The following TMEM131 variants were observed in gnomAD, a reference collection of about 807,000 sequenced individuals.
TMEM131 encodes 2610524E03Rik.
A neutral mutation model predicts 211.6 loss-of-function variants in TMEM131; 66 were observed. The observed-to-expected ratio is 0.31, with a 90% CI of 0.26 to 0.38. The LOEUF (loss-of-function observed/expected upper bound fraction) is 0.38, where lower values mean the gene tolerates loss of function less well. Ranked by LOEUF, TMEM131 falls within the 10% of genes least tolerant of loss-of-function variation. TMEM131 has a pLI of 1.00. For synonymous variants in TMEM131, 844 were observed against 841.3 expected (o/e 1.00, Z -0.06); for missense variants, 2,036 against 2,299.3 (o/e 0.89, Z 2.34).
In TMEM131 at chr2:97,815,244, C is replaced by T. The variant is rs201269846; in HGVS notation, c.1247G>A (p.Ser416Asn). 121 of 1,575,334 alleles carry T rather than the reference C, an allele frequency of 7.7e-5. 1 individual carries two copies. The African/African-American group carries it at 1.4e-3, about 18-fold the overall frequency. Residue 416 changes from serine (S) to asparagine (N), a missense_variant, in exon 13 of 41, where the codon AGT becomes AAT. Ser to Asn is a conservative substitution (Grantham distance 46). This residue lies in a region of TMEM131 where 1,623 missense variants were observed against 1,805.9 expected (regional missense o/e 0.90). Transcript: ENST00000186436. Reference sequence around the variant, plus strand: ...ATATGGTATTTCAAGTTTAGAATAACTCTTTTCCTTTGCTTTAACTGTTAT... The same window carrying T: ...ATATGGTATTTCAAGTTTAGAATAATTCTTTTCCTTTGCTTTAACTGTTAT... ...GKITVKAKEKSYSKLEIPYQA... is the reference protein window; with the variant it reads ...GKITVKAKEKNYSKLEIPYQA...
At position 97,895,110 on chromosome 2, in the gene TMEM131, C is replaced by T. The variant is rs558168226; in HGVS notation, c.291-6990G>A. On this transcript the variant is annotated intron_variant, in intron 3 of 40. Transcript: ENST00000186436. ...TGTTGAATTTTGTCGAAGGCCTTTT[C>T]TGCATCTATTGAGATAGTCATGTGG... is the stretch of plus-strand genomic sequence containing the variant. Among the ~76,000 whole-genome samples the T allele has an allele frequency of 1.3e-3, 199 of 152,288 alleles. 1 individual carries two copies. Among genetic ancestry groups the T allele is most frequent in the Middle Eastern group, 3.4e-3 (1 of 294 alleles).
At chr2:97,991,698 A>G (rs1336541292) in intron 1 of TMEM131, among the ~76,000 whole-genome samples, 1 of 152,230 alleles carries the variant, frequency 6.6e-6, no homozygotes, top group Non-Finnish European at 1.5e-5. Context: ...CCGTAGGGGA[A>G]AATTCAGCTG....
chr2:97,778,744 T>G (rs1012606082), intron 31 of TMEM131, among the ~76,000 whole-genome samples: 3 of 152,178 alleles, frequency 2.0e-5, no homozygotes, highest in Non-Finnish European at 2.9e-5. Context: ...CTACATGACC[T>G]TCCCGTTCCA....
At chr2:97,959,785 C>A (rs1197053924) in intron 1 of TMEM131, among the ~76,000 whole-genome samples, 1 of 152,122 alleles carries the variant, frequency 6.6e-6, no homozygotes, top group Non-Finnish European at 1.5e-5. Context: ...TCCTTTATAA[C>A]CTTTTTTTTC....
intron 1 of TMEM131, among the ~76,000 whole-genome samples, chr2:97,970,657 C>T (rs770777256): frequency 1.3e-5 from 2 of 152,218 alleles, no homozygotes; most frequent in African/African-American, 2.4e-5. Context: ...AGAGCAGGTG[C>T]TCTGCTGACT....
At chr2:97,898,861 C>A (rs539477124) in intron 3 of TMEM131, among the ~76,000 whole-genome samples, 1 of 151,840 alleles carries the variant, frequency 6.6e-6, no homozygotes, top group African/African-American at 2.4e-5. Context: ...TTCATTGTTA[C>A]TGATTTCTAA....
At position 97,935,050 on chromosome 2, in the gene TMEM131, C is replaced by T. The variant is rs75925969; in HGVS notation, c.188-7563G>A. Among the ~76,000 whole-genome samples, 500 of 152,126 alleles carry T rather than the reference C, an allele frequency of 3.3e-3. 7 individuals are homozygous for T. In the East Asian group the frequency reaches 0.041, roughly 12 times the overall value. On this transcript the variant is annotated intron_variant, in intron 1 of 40. Coordinates refer to ENST00000186436, the MANE Select transcript of TMEM131 (RefSeq NM_015348.2). ...TCAAAATTAAAAACTTTGCCCTTCA[C>T]ATGACCCTGTTAAGAGTAGGACAGG... is the stretch of plus-strand genomic sequence containing the variant.
chr2:97,943,708 A>C (rs909351084), intron 1 of TMEM131, among the ~76,000 whole-genome samples: 6 of 152,200 alleles, frequency 3.9e-5, no homozygotes, highest in Non-Finnish European at 8.8e-5. Context: ...GAAAGACACA[A>C]TGGAGGACTC....
At chr2:97,950,892 G>C (rs1678280890) in intron 1 of TMEM131, among the ~76,000 whole-genome samples, 1 of 152,144 alleles carries the variant, frequency 6.6e-6, no homozygotes, top group Admixed American at 6.5e-5. Context: ...TTAGTTTCCA[G>C]GTACTAATAT....
At chr2:97,821,985 C>T (rs1164617460) in intron 11 of TMEM131, among the ~76,000 whole-genome samples, 2 of 152,140 alleles carry the variant, frequency 1.3e-5, no homozygotes, top group Non-Finnish European at 1.5e-5. Flanking sequence ...TGGCCATGAG[C>T]GGAATTCTCA....
At position 97,809,384 on chromosome 2, in the gene TMEM131, C is replaced by G. The variant is rs188385891; in HGVS notation, c.2055+304G>C. 6.0e-4 allele frequency among the ~76,000 whole-genome samples: 92 copies of G among 152,286 alleles called. No homozygotes were observed. In the East Asian group the frequency reaches 0.012, roughly 20 times the overall value. ...GTTGGAAGAAATTCTAAGCTGGCTC[C>G]CATAGCCCCTGCATCAGTGAGACGT... On this transcript the variant is annotated intron_variant, in intron 19 of 40. Coordinates refer to ENST00000186436, the MANE Select transcript of TMEM131 (RefSeq NM_015348.2).
intron 2 of TMEM131, among the ~76,000 whole-genome samples, chr2:97,916,802 G>A (rs1202808975): frequency 6.6e-6 from 1 of 152,060 alleles, no homozygotes; most frequent in Non-Finnish European, 1.5e-5. Context: ...TATTTGGTTA[G>A]GTTAAACTCC....
chr2:97,768,724 G>C (rs753031682), intron 33 of TMEM131, among the ~76,000 whole-genome samples: 10 of 152,120 alleles, frequency 6.6e-5, no homozygotes, highest in Non-Finnish European at 1.3e-4. Flanking sequence ...CTGAGTAGCT[G>C]GGATTACAGG....
At chr2:97,784,644 G>A (rs780514552) in intron 31 of TMEM131, among the ~76,000 whole-genome samples, 6 of 143,082 alleles carry the variant, frequency 4.2e-5, no homozygotes, top group African/African-American at 5.4e-5. Context: ...TACATAAAAC[G>A]GGGGGGAAAG....
At chr2:97,774,679 G>C (rs1573338546) in intron 32 of TMEM131, among the ~76,000 whole-genome samples, 1 of 152,204 alleles carries the variant, frequency 6.6e-6, no homozygotes, top group South Asian at 2.1e-4. Flanking sequence ...ACAGTGGTGT[G>C]AGCAGGAAGA....
In TMEM131 at chr2:97,756,982, C is replaced by T; in HGVS notation, c.*117G>A. 1.5e-6 allele frequency: 2 copies of T among 1,312,360 alleles called. No homozygotes were observed. Among genetic ancestry groups the T allele is most frequent in the Non-Finnish European group, 2.0e-6 (2 of 985,606 alleles). 81.3% of individuals were successfully genotyped at this position (1,312,360 alleles called of 1,614,324 possible). A position where few individuals can be genotyped will look rare whatever the true frequency, so the allele number is the denominator to read the frequency against. On this transcript the variant is annotated 3_prime_UTR_variant, in exon 41 of 41. Transcript: ENST00000186436. The stretch of plus-strand genomic sequence containing the variant: ...GCCTGCCCTGCTTGGGTCTGTTTTG[C>T]AAAGAAGAGGAGGGTGGGGAGGGGA...
At chr2:97,967,424 A>G (rs1391809256) in intron 1 of TMEM131, among the ~76,000 whole-genome samples, 1 of 152,204 alleles carries the variant, frequency 6.6e-6, no homozygotes, top group African/African-American at 2.4e-5. Flanking sequence ...ATAAAACAGT[A>G]CAGTGTGTAA....
At chr2:97,771,346 C>A (rs1679454188) in intron 33 of TMEM131, among the ~76,000 whole-genome samples, 1 of 152,192 alleles carries the variant, frequency 6.6e-6, no homozygotes, top group Non-Finnish European at 1.5e-5. Context: ...TAGAACAGGA[C>A]TGGCCCTGCC....
intron 1 of TMEM131, among the ~76,000 whole-genome samples, chr2:97,946,666 GAAA>G (rs1012341406): frequency 6.7e-6 from 1 of 148,316 alleles, no homozygotes; most frequent in Non-Finnish European, 1.5e-5. Context: ...TATTTAAGGG[GAAA>G]AAAAAAATCA....
Sources: gnomAD v4.1 joint callset for allele counts (sites outside exome capture counted in the v4.1 genomes callset) on GRCh38, gnomAD v4.1.1 for gene constraint, gnomAD v4.1.1 regional missense constraint, MANE v1.5 for transcripts, NCBI Gene and HGNC (gene_info 2026-07-23, HGNC 2026-07-21) for gene names.